TAFA1: variants seen among roughly 807,000 people sequenced by gnomAD.
TAFA1 encodes TAFA chemokine like family member 1.
TAFA1 carries 4 observed loss-of-function variants against 18.5 expected under a neutral mutation model. The observed-to-expected ratio is 0.22, with a 90% confidence interval of 0.11 to 0.49. The LOEUF is 0.49. Among genes scored for constraint, TAFA1 ranks in the 20% least tolerant of loss-of-function variants. TAFA1 has a pLI of 0.98. For missense variants in TAFA1, 147 were observed against 169.0 expected, an observed-to-expected ratio of 0.87 and a Z score of 0.72; for synonymous variants, 56 against 55.2, an observed-to-expected ratio of 1.01 and a Z score of -0.06.
chr3:68,468,218 A>G (rs978586242), intron 3 of TAFA1, among the ~76,000 whole-genome samples: 6 of 152,224 alleles, frequency 3.9e-5, no homozygotes, highest in African/African-American at 1.4e-4. Context: ...TCATTTCAAA[A>G]TGAAAGTAAC....
chr3:68,466,134 AG>A (rs1394560834), intron 3 of TAFA1, among the ~76,000 whole-genome samples: 1 of 151,700 alleles, frequency 6.6e-6, no homozygotes, highest in Non-Finnish European at 1.5e-5. Context: ...GGCACTCTTG[AG>A]GTTGGGCTGG....
chr3:68,457,363 T>A (rs2071684537), intron 3 of TAFA1, among the ~76,000 whole-genome samples: 1 of 152,236 alleles, frequency 6.6e-6, no homozygotes, highest in African/African-American at 2.4e-5. Flanking sequence ...GACTACTCTC[T>A]AAATATATGT....
intron 2 of TAFA1, among the ~76,000 whole-genome samples, chr3:68,239,496 G>C (rs2066970601): frequency 6.6e-6 from 1 of 151,782 alleles, no homozygotes; most frequent in African/African-American, 2.4e-5. Flanking sequence ...CTTTATCCAG[G>C]ACAGGCACCT....
At chr3:68,294,731 G>A (rs1436413528) in intron 2 of TAFA1, among the ~76,000 whole-genome samples, 1 of 151,962 alleles carries the variant, frequency 6.6e-6, no homozygotes, top group Non-Finnish European at 1.5e-5. Context: ...AATAAAATTA[G>A]CTGGGCATGG....
chr3:68,479,255 T>C (rs2072177264), intron 3 of TAFA1, among the ~76,000 whole-genome samples: 1 of 146,168 alleles, frequency 6.8e-6, no homozygotes, highest in Admixed American at 6.8e-5. Context: ...TATATATATA[T>C]ATATATATGT....
intron 2 of TAFA1, among the ~76,000 whole-genome samples, chr3:68,203,965 C>G (rs1275323669): frequency 6.9e-6 from 1 of 145,320 alleles, no homozygotes; most frequent in Non-Finnish European, 1.5e-5. Flanking sequence ...CCCCACCCCC[C>G]ATGACCACAT....
At chr3:67,998,125 G>A in the TAFA1 span, among the ~76,000 whole-genome samples, 2 of 151,994 alleles carry the variant, frequency 1.3e-5, no homozygotes, top group Admixed American at 6.6e-5. Flanking sequence ...AGGCATGTTT[G>A]GAAAAGTGTT....
intron 2 of TAFA1, among the ~76,000 whole-genome samples, chr3:68,401,024 C>T (rs1345943783): frequency 1.3e-5 from 2 of 152,170 alleles, no homozygotes; most frequent in African/African-American, 4.8e-5. Flanking sequence ...CACAGCCAGG[C>T]GTTGTGCTGG....
intron 2 of TAFA1, among the ~76,000 whole-genome samples, chr3:68,170,528 G>A (rs13075963): frequency 0.19 from 29,166 of 152,142 alleles, 3,165 homozygotes; most frequent in Middle Eastern, 0.29. Context: ...ATCCATAGAG[G>A]CATTTGAAAT....
At chr3:68,379,917 TCCCCCC>T (rs1476723312) in intron 2 of TAFA1, among the ~76,000 whole-genome samples, 5 of 151,724 alleles carry the variant, frequency 3.3e-5, no homozygotes, top group African/African-American at 1.2e-4. Flanking sequence ...CCCTTCCCCT[TCCCCCC>T]ACCCCACAAC....
intron 2 of TAFA1, among the ~76,000 whole-genome samples, chr3:68,310,297 G>T (rs1308551326): frequency 2.0e-5 from 3 of 152,186 alleles, no homozygotes; most frequent in South Asian, 2.1e-4. Context: ...AGAAGCAAAG[G>T]TCTCGGCTTC....
At chr3:68,380,556 A>G (rs1322279832) in intron 2 of TAFA1, among the ~76,000 whole-genome samples, 1 of 152,184 alleles carries the variant, frequency 6.6e-6, no homozygotes, top group Non-Finnish European at 1.5e-5. Flanking sequence ...TTTTGGCTGC[A>G]TAAATATCTT....
At chr3:68,443,924 T>A (rs947992848) in intron 3 of TAFA1, among the ~76,000 whole-genome samples, 2 of 152,158 alleles carry the variant, frequency 1.3e-5, no homozygotes, top group Non-Finnish European at 2.9e-5. Flanking sequence ...AACTGCAATT[T>A]TAAAACTCCC....
intron 2 of TAFA1, among the ~76,000 whole-genome samples, chr3:68,085,023 T>C (rs192490133): frequency 6.6e-6 from 1 of 152,280 alleles, no homozygotes; most frequent in African/African-American, 2.4e-5. Flanking sequence ...TATCCATGCA[T>C]CAGTAGCACA....
chr3:68,215,549 A>G (rs1017249925), intron 2 of TAFA1, among the ~76,000 whole-genome samples: 1 of 152,066 alleles, frequency 6.6e-6, no homozygotes, highest in African/African-American at 2.4e-5. Flanking sequence ...TGTGAAAGAT[A>G]TTGTTAAGAG....
At chr3:68,112,778 A>G (rs1019749034) in intron 2 of TAFA1, among the ~76,000 whole-genome samples, 6 of 152,064 alleles carry the variant, frequency 3.9e-5, no homozygotes, top group Admixed American at 2.0e-4. Flanking sequence ...CTATGCCAAA[A>G]ATAAACAGAA....
At chr3:67,996,770 G>A in the TAFA1 span, among the ~76,000 whole-genome samples, 2 of 150,434 alleles carry the variant, frequency 1.3e-5, no homozygotes, top group African/African-American at 4.9e-5. Context: ...CTTCAGCTTG[G>A]GCAACAGAGC....
At chr3:68,251,606 A>C (rs2067197664) in intron 2 of TAFA1, among the ~76,000 whole-genome samples, 1 of 152,190 alleles carries the variant, frequency 6.6e-6, no homozygotes. Context: ...GGGAGATGAC[A>C]TTTAAGCAGA....
chr3:68,392,646 A>T (rs1232171684), intron 2 of TAFA1, among the ~76,000 whole-genome samples: 1 of 151,746 alleles, frequency 6.6e-6, no homozygotes, highest in Non-Finnish European at 1.5e-5. Flanking sequence ...AAAAACGGAA[A>T]TCAGAACAGT....
Sources: allele counts gnomAD v4.1 joint callset (sites outside exome capture counted in the v4.1 genomes callset), GRCh38; gene constraint gnomAD v4.1.1; transcripts MANE v1.5; gene names NCBI Gene and HGNC (gene_info 2026-07-23, HGNC 2026-07-21).